The following CHKA variants were observed in gnomAD, a reference collection of about 807,000 sequenced individuals.
CHKA encodes the protein CHETK-alpha.
A neutral mutation model predicts 60.1 loss-of-function variants in CHKA; 34 were observed. The ratio of observed to expected loss-of-function variants is 0.57; its 90% CI spans 0.43 to 0.75. The LOEUF (loss-of-function observed/expected upper bound fraction) is 0.75. Among genes scored for constraint, CHKA ranks in the 30% least tolerant of loss-of-function variants. The pLI is 0.00. For missense variants in CHKA, 563 were observed against 561.3 expected, an observed-to-expected ratio of 1.00 and a Z score of -0.03; for synonymous variants, 217 against 223.1, an observed-to-expected ratio of 0.97 and a Z score of 0.24.
At chr11:68,080,260 A>G (rs1212684075) in intron 3 of CHKA, among the ~76,000 whole-genome samples, 1 of 152,230 alleles carries the variant, frequency 6.6e-6, no homozygotes, top group Non-Finnish European at 1.5e-5. Context: ...AGACACATGT[A>G]AAACAAGCCG....
intron 2 of CHKA, among the ~76,000 whole-genome samples, chr11:68,087,764 C>A (rs770807178): frequency 6.6e-6 from 1 of 152,014 alleles, no homozygotes; most frequent in African/African-American, 2.4e-5. Flanking sequence ...TTACATAAAA[C>A]GGTAGATTGA....
intron 11 of CHKA, among the ~76,000 whole-genome samples, chr11:68,057,171 TGTG>T (rs1177882148): frequency 6.6e-6 from 1 of 152,236 alleles, no homozygotes; most frequent in Non-Finnish European, 1.5e-5. Flanking sequence ...TTTAGTCTTC[TGTG>T]GTGATGATTG....
intron 11 of CHKA, among the ~76,000 whole-genome samples, chr11:68,055,907 G>C (rs1295920229): frequency 3.3e-5 from 5 of 151,828 alleles, no homozygotes; most frequent in African/African-American, 1.2e-4. Context: ...AATTAGCCAG[G>C]CATGGTGGTG....
At chr11:68,061,718 G>C in intron 11 of CHKA, 2 of 572,252 alleles carry the variant, frequency 3.5e-6, no homozygotes, top group Non-Finnish European at 6.6e-6. Context: ...AGCTGGCCTG[G>C]AAGTGAGGGC....
intron 2 of CHKA, among the ~76,000 whole-genome samples, chr11:68,093,786 A>C (rs891255267): frequency 2.6e-5 from 4 of 152,230 alleles, no homozygotes; most frequent in African/African-American, 9.7e-5. Context: ...AAACCAGAAC[A>C]TTCTAGAGTT....
chr11:68,055,315 G>A (rs1022649118), intron 11 of CHKA, among the ~76,000 whole-genome samples: 10 of 152,220 alleles, frequency 6.6e-5, no homozygotes, highest in South Asian at 2.1e-4. Flanking sequence ...GCTTGAACCC[G>A]GGAGGCGGAG....
chr11:68,113,523 C>T (rs1447843076), intron 1 of CHKA, among the ~76,000 whole-genome samples: 5 of 151,610 alleles, frequency 3.3e-5, no homozygotes, highest in Non-Finnish European at 7.4e-5. Context: ...CAGTGAAACC[C>T]ACCTCTACTA....
intron 1 of CHKA, among the ~76,000 whole-genome samples, chr11:68,097,675 C>T (rs938413313): frequency 6.6e-6 from 1 of 150,604 alleles, no homozygotes; most frequent in Admixed American, 6.6e-5. Flanking sequence ...ATATTTAAAC[C>T]TTCTTCTCTA....
At chr11:68,065,278 G>C (rs539663864) in intron 9 of CHKA, among the ~76,000 whole-genome samples, 1 of 152,310 alleles carries the variant, frequency 6.6e-6, no homozygotes, top group South Asian at 2.1e-4. Context: ...GCTCTTCTCT[G>C]AATACAAGTA....
At position 68,113,081 on chromosome 11, in the gene CHKA, C is replaced by CAA. The variant is rs71040587; in HGVS notation, c.350+7745_350+7746dup. ...TGGGCAACAGAGCAAGACTCCGTCT[C>CAA]AAAAAAAAAAAAAAAAAAAAAAAAA... On this transcript the variant is annotated intron_variant, in intron 1 of 11. Coordinates refer to ENST00000265689, the MANE Select transcript of CHKA (RefSeq NM_001277.3). Among the ~76,000 whole-genome samples, 108 of 14,534 alleles carry CAA rather than the reference C, an allele frequency of 7.4e-3. 19 individuals are homozygous for CAA. Among genetic ancestry groups the CAA allele is most frequent in the East Asian group, 9.1e-3 (3 of 330 alleles). 9.5% of individuals were successfully genotyped at this position (14,534 alleles called of 152,430 possible).
chr11:68,093,285 C>A (rs1857408070), intron 2 of CHKA, among the ~76,000 whole-genome samples: 1 of 152,152 alleles, frequency 6.6e-6, no homozygotes, highest in African/African-American at 2.4e-5. Context: ...CAGGAGTGAG[C>A]CACCATGACC....
intron 1 of CHKA, among the ~76,000 whole-genome samples, chr11:68,105,351 C>T (rs1332649452): frequency 6.6e-6 from 1 of 151,176 alleles, no homozygotes; most frequent in Non-Finnish European, 1.5e-5. Context: ...CCCATCTCTA[C>T]TAAAAATACA....
chr11:68,065,580 G>A (rs1856414697), intron 9 of CHKA, among the ~76,000 whole-genome samples: 1 of 151,944 alleles, frequency 6.6e-6, no homozygotes, highest in East Asian at 1.9e-4. Flanking sequence ...ATGCGTCTGT[G>A]GTCCCAGCTA....
intron 1 of CHKA, among the ~76,000 whole-genome samples, chr11:68,107,396 C>T (rs1857952712): frequency 6.6e-6 from 1 of 152,074 alleles, no homozygotes; most frequent in East Asian, 1.9e-4. Context: ...TGTTCTCTAA[C>T]TTGATTCCCA....
At chr11:68,073,041 G>A (rs946707234) in intron 4 of CHKA, among the ~76,000 whole-genome samples, 1 of 152,140 alleles carries the variant, frequency 6.6e-6, no homozygotes, top group Non-Finnish European at 1.5e-5. Context: ...AGCATAGATA[G>A]AACTTAAGAA....
At chr11:68,086,683 T>G (rs1028943677) in intron 2 of CHKA, among the ~76,000 whole-genome samples, 1 of 152,156 alleles carries the variant, frequency 6.6e-6, no homozygotes, top group Non-Finnish European at 1.5e-5. Flanking sequence ...AAGTCACATA[T>G]AGTTATCATT....
At chr11:68,100,591 CAATAAATAAATACATAAATA>C (rs920331025) in intron 1 of CHKA, among the ~76,000 whole-genome samples, 5 of 100,642 alleles carry the variant, frequency 5.0e-5, no homozygotes, top group Non-Finnish European at 8.3e-5. Context: ...ACATCATCTC[CAATAAATAAATACATAAATA>C]AATAAATAAA....
chr11:68,099,352 A>T (rs1192511035), intron 1 of CHKA, among the ~76,000 whole-genome samples: 1 of 152,248 alleles, frequency 6.6e-6, no homozygotes, highest in Non-Finnish European at 1.5e-5. Flanking sequence ...CTTACCAAAT[A>T]AAAAATTTGA....
chr11:68,098,396 C>T (rs983017124), intron 1 of CHKA, among the ~76,000 whole-genome samples: 1 of 152,060 alleles, frequency 6.6e-6, no homozygotes, highest in African/African-American at 2.4e-5. Context: ...CAAACATCTC[C>T]ATGTCCTATT....
Sources: allele counts gnomAD v4.1 joint callset (sites outside exome capture counted in the v4.1 genomes callset), GRCh38; gene constraint gnomAD v4.1.1; transcripts MANE v1.5; gene names NCBI Gene and HGNC (gene_info 2026-07-23, HGNC 2026-07-21).